TRIML1: variants seen among roughly 807,000 people sequenced by gnomAD.
TRIML1 encodes tripartite motif family like 1.
A neutral mutation model predicts 32.3 loss-of-function variants in TRIML1; 34 were observed. The ratio of observed to expected loss-of-function variants is 1.05; its 90% CI spans 0.80 to 1.40. The LOEUF (loss-of-function observed/expected upper bound fraction) is 1.40. Ranked by LOEUF, TRIML1 falls within the 40% of genes most tolerant of loss-of-function variation. The probability of loss-of-function intolerance (pLI) is 0.00; values close to 1 mark genes in which losing one functional copy is unlikely to be tolerated. For synonymous variants in TRIML1, 244 were observed against 226.6 expected (o/e 1.08, Z -0.69); for missense variants, 595 against 574.9 (o/e 1.03, Z -0.36).
At chr4:188,142,674 C>T (rs1174420145) in intron 3 of TRIML1, among the ~76,000 whole-genome samples, 192 bp downstream of exon 3, 1 of 150,846 alleles carries the variant, frequency 6.6e-6, no homozygotes, top group South Asian at 2.1e-4. Flanking sequence ...AAAAAAAACA[C>T]ATCCAGAGGA....
downstream of TRIML1, among the ~76,000 whole-genome samples, chr4:188,148,258 C>A (rs529471165): frequency 2.0e-5 from 3 of 151,984 alleles, no homozygotes; most frequent in Non-Finnish European, 4.4e-5. Context: ...CTTTGGGAGG[C>A]CGAGGTGGGT....
chr4:188,144,772 G>A (rs546490882), intron 5 of TRIML1, among the ~76,000 whole-genome samples: 1 of 152,116 alleles, frequency 6.6e-6, no homozygotes, highest in African/African-American at 2.4e-5. Context: ...CTCTGATCCC[G>A]TTAGGATGAA....
At chr4:188,149,243 T>C (rs1735189465), downstream of TRIML1, among the ~76,000 whole-genome samples, 1 of 152,002 alleles carries the variant, frequency 6.6e-6, no homozygotes, top group South Asian at 2.1e-4. Flanking sequence ...AAATGGAATG[T>C]TCCCTTGCTA....
Position 188,139,545 on chromosome 4 carries a change from C to T in TRIML1, c.-14C>T. ...ACAGAGGTGTAACCTGGCTGCATAT[C>T]CAGCCTCGAGAAAATGTCTACAGCA... is the stretch of plus-strand genomic sequence containing the variant. On this transcript the variant is annotated 5_prime_UTR_variant, in exon 1 of 6. Coordinates refer to ENST00000332517, the MANE Select transcript of TRIML1 (RefSeq NM_178556.5). 2 of 1,554,380 alleles carry T rather than the reference C, an allele frequency of 1.3e-6. No individual in the cohort carries two copies. Among genetic ancestry groups the T allele is most frequent in the Non-Finnish European group, 1.7e-6 (2 of 1,147,596 alleles).
intron 2 of TRIML1, 133 bp from the exon 3 acceptor site, chr4:188,142,119 A>G (rs1215822346): frequency 1.4e-4 from 68 of 484,488 alleles, no homozygotes; most frequent in Non-Finnish European, 6.1e-5. Flanking sequence ...CCATCTCAAA[A>G]AAAAAAAAAA....
intron 3 of TRIML1, 91 bp downstream of exon 3, chr4:188,142,573 T>G (rs1734904342): frequency 1.9e-6 from 2 of 1,049,710 alleles, no homozygotes; most frequent in Admixed American, 2.7e-5. Flanking sequence ...TTATTCATCT[T>G]AAAAACTAAG....
chr4:188,150,571 A>T (rs1017352723), downstream of TRIML1, among the ~76,000 whole-genome samples: 2 of 152,190 alleles, frequency 1.3e-5, no homozygotes, highest in African/African-American at 2.4e-5. Flanking sequence ...GACTAAATAA[A>T]TACAAAAGTA....
At position 188,139,699 on chromosome 4, in the gene TRIML1, T is replaced by C. The variant is rs199568199; in HGVS notation, c.141T>C (p.His47=). Reference sequence around the variant, plus strand: ...GTCTCCTCAGGAGCTGGGAGGAACATAACACACCTTTATCTTGTCCTGAGT... The same window carrying C: ...GTCTCCTCAGGAGCTGGGAGGAACACAACACACCTTTATCTTGTCCTGAGT... ...LVCLLRSWEE[H]NTPLSCPECW... The change falls in exon 1 of 6, where the codon CAT becomes CAC. Residue 47 remains histidine (H), a synonymous_variant. Coordinates refer to ENST00000332517, the MANE Select transcript of TRIML1 (RefSeq NM_178556.5). 47 of 1,613,874 alleles carry C rather than the reference T, an allele frequency of 2.9e-5. No individual in the cohort carries two copies. Among genetic ancestry groups the C allele is most frequent in the Non-Finnish European group, 3.7e-5 (44 of 1,180,026 alleles).
chr4:188,139,382 T>G (rs1734758410), upstream of TRIML1: 1 of 566,888 alleles, frequency 1.8e-6, no homozygotes, highest in South Asian at 3.5e-5. Context: ...TAATTGGCTT[T>G]GTGTTGGACA....
At position 188,139,485 on chromosome 4, in the gene TRIML1, T is replaced by C. The variant is rs1734762774; in HGVS notation, c.-74T>C. ...AGGTCACCCGCGTGTTACTCAAAAC[T>C]GTAGGACGGCAGTGAGGGCTTTGCT... On this transcript the variant is annotated 5_prime_UTR_variant, in exon 1 of 6. Coordinates refer to ENST00000332517, the MANE Select transcript of TRIML1 (RefSeq NM_178556.5). 27 of 1,462,840 alleles carry C rather than the reference T, an allele frequency of 1.8e-5. No homozygotes were observed. In the Admixed American group the frequency reaches 5.8e-4, roughly 32 times the overall value. The allele number at this position is 1,462,840 out of a possible 1,614,324, so 90.6% of individuals were successfully genotyped here. A position where few individuals can be genotyped will look rare whatever the true frequency, so the allele number is the denominator to read the frequency against.
rs918864719 is a variant in TRIML1 at position 188,147,635 on chromosome 4, G to C, written c.*263G>C. 1.5e-5 allele frequency: 5 copies of C among 341,634 alleles called. No homozygotes were observed. The highest frequency in any genetic ancestry group is 2.6e-5 in the Non-Finnish European group (5 of 190,702). The allele number at this position is 341,634 out of a possible 1,614,324, so 21.2% of individuals were successfully genotyped here. On this transcript the variant is annotated 3_prime_UTR_variant, in exon 6 of 6. Coordinates refer to ENST00000332517, the MANE Select transcript of TRIML1 (RefSeq NM_178556.5). ...CTCTGGGCTACCCCATGTGTGTGCT[G>C]GTCACTCAAATATTGAGCCCCTATT...
intron 3 of TRIML1, chr4:188,142,845 T>C (rs566114616): frequency 1.2e-3 from 231 of 191,730 alleles, no homozygotes; most frequent in African/African-American, 5.3e-3. Context: ...TGAAGATAAG[T>C]ACCATTATGA....
chr4:188,139,859 A>T lies in TRIML1; in HGVS notation c.301A>T (p.Thr101Ser), dbSNP rs751685612. ...EQGSYGRMPT[T>S]AKALSDDEQG... Reference sequence around the variant, plus strand: ...GGGCAGCTACGGGAGGATGCCCACCACTGCCAAGGCGCTCTCCGATGACGA... The same window carrying T: ...GGGCAGCTACGGGAGGATGCCCACCTCTGCCAAGGCGCTCTCCGATGACGA... Residue 101 changes from threonine to serine, a missense_variant, in exon 1 of 6, where the codon ACT becomes TCT. Transcript: ENST00000332517. 5 of 1,613,696 alleles carry T rather than the reference A, an allele frequency of 3.1e-6. No homozygotes were observed. In the East Asian group the frequency reaches 1.1e-4, roughly 36 times the overall value.
upstream of TRIML1, among the ~76,000 whole-genome samples, chr4:188,137,735 C>A (rs567176416): frequency 6.6e-6 from 1 of 151,868 alleles, no homozygotes; most frequent in African/African-American, 2.4e-5. Flanking sequence ...CCTCAGCCTC[C>A]CAAAGTGCTG....
In TRIML1 at chr4:188,142,390, G is replaced by A; in HGVS notation, c.643G>A (p.Glu215Lys). ...GAACATGAGGAAGCTGAGGAACAAT[G>A]AGATCAAACTGACCCAGCAAATCAG... is the stretch of plus-strand genomic sequence containing the variant. ...KENMRKLRNNEIKLTQQIRSL... is the reference protein window; with the variant it reads ...KENMRKLRNNKIKLTQQIRSL... The change falls in exon 3 of 6, where the codon GAG (glutamate) becomes AAG (lysine). Residue 215 changes from glutamate to lysine, a missense_variant. Glu to Lys is a moderately conservative substitution (Grantham distance 56, BLOSUM62 1). Transcript: ENST00000332517. 4 of 1,613,818 alleles carry A rather than the reference G, an allele frequency of 2.5e-6. No homozygotes were observed. Among genetic ancestry groups the A allele is most frequent in the Non-Finnish European group, 2.5e-6 (3 of 1,180,000 alleles).
chr4:188,140,616 T>C lies in TRIML1; in HGVS notation c.497T>C (p.Leu166Pro). Residue 166 changes from leucine to proline, a missense_variant, in exon 2 of 6, where the codon CTG (leucine) becomes CCG (proline). Transcript: ENST00000332517. ...ACCCATGAGAAGGAGAGAGTGAAAC[T>C]GTGCCAGGTCGGTGTCTGTCTGACT... The part of the protein sequence containing the change: ...VLTHEKERVK[L>P]CQEETKTCKQ... 6.2e-7 allele frequency: 1 copy of C among 1,613,072 alleles called. No individual in the cohort carries two copies. Among genetic ancestry groups the C allele is most frequent in the Non-Finnish European group, 8.5e-7 (1 of 1,179,122 alleles).
chr4:188,138,955 T>C (rs1734747684), upstream of TRIML1, among the ~76,000 whole-genome samples: 1 of 151,962 alleles, frequency 6.6e-6, no homozygotes, highest in African/African-American at 2.4e-5. Context: ...TAAAATTAAA[T>C]AAAAGTACAC....
Position 188,146,981 on chromosome 4 carries a change from G to A in TRIML1, c.1016G>A (p.Gly339Glu), listed in dbSNP as rs753745393. The A allele has an allele frequency of 6.4e-7, 1 of 1,569,954 alleles. No individual in the cohort carries two copies. The highest frequency in any genetic ancestry group is 2.2e-5 in the East Asian group (1 of 44,502). Residue 339 changes from glycine to glutamate, a missense_variant, in exon 6 of 6, where the codon GGG becomes GAG. Gly to Glu is a moderately conservative substitution (Grantham distance 98). Coordinates refer to ENST00000332517, the MANE Select transcript of TRIML1 (RefSeq NM_178556.5). Reference sequence around the variant, plus strand: ...CTGGGTACTCAGATCTTCACCAGTGGGAGACACTACTGGGAGGTGGAGGTG... The same window carrying A: ...CTGGGTACTCAGATCTTCACCAGTGAGAGACACTACTGGGAGGTGGAGGTG... ...TVLGTQIFTS[G>E]RHYWEVEVGN...
Position 188,142,414 on chromosome 4 carries a change from A to G in TRIML1, c.667A>G (p.Arg223Gly). 1.2e-6 allele frequency: 2 copies of G among 1,614,004 alleles called. No individual in the cohort carries two copies. Among genetic ancestry groups the G allele is most frequent in the Non-Finnish European group, 1.7e-6 (2 of 1,180,010 alleles). ...TGAGATCAAACTGACCCAGCAAATC[A>G]GAAGCCTAAGCAAAATGATCGCACA... The part of the protein sequence containing the change: ...NNEIKLTQQI[R>G]SLSKMIAQIE... The change falls in exon 3 of 6, where the codon AGA becomes GGA. Residue 223 changes from arginine to glycine, a missense_variant. Coordinates refer to ENST00000332517, the MANE Select transcript of TRIML1 (RefSeq NM_178556.5).
Sources: allele counts gnomAD v4.1 joint callset (sites outside exome capture counted in the v4.1 genomes callset), GRCh38; gene constraint gnomAD v4.1.1; transcripts MANE v1.5; gene names NCBI Gene and HGNC (gene_info 2026-07-23, HGNC 2026-07-21).